CYP4F12: variants seen among roughly 807,000 people sequenced by gnomAD.
The protein encoded by CYP4F12 is cytochrome P450 4F12.
Under a neutral mutation model 56.5 loss-of-function variants are expected in CYP4F12, and 60 were observed. The observed-to-expected ratio is 1.06, with a 90% CI of 0.86 to 1.32. The LOEUF (loss-of-function observed/expected upper bound fraction) is 1.32. CYP4F12 is among the 40% of genes most tolerant of loss of function. The pLI is 0.00. For synonymous variants in CYP4F12, 263 were observed against 264.9 expected (o/e 0.99, Z 0.07); for missense variants, 711 against 683.5 (o/e 1.04, Z -0.45).
Position 15,696,913 on chromosome 19 carries a change from G to T in CYP4F12, c.1403G>T (p.Cys468Phe). ...GTCCCCACTCCCGCCTGCAGGAACTGCATCGGGCAGGCGTTCGCCATGGCG... is the reference window on the plus strand; with the variant it reads ...GTCCCCACTCCCGCCTGCAGGAACTTCATCGGGCAGGCGTTCGCCATGGCG... ...FIPFSAGPRN[C>F]IGQAFAMAEM... The change falls in exon 13 of 13, where the codon TGC becomes TTC. Residue 468 changes from cysteine (C) to phenylalanine (F), a missense_variant. Physicochemically the swap from Cys to Phe is radical, Grantham distance 205. Coordinates refer to ENST00000550308, the MANE Select transcript of CYP4F12 (RefSeq NM_023944.4). 1 of 1,612,218 alleles carries T rather than the reference G, an allele frequency of 6.2e-7. No homozygotes were observed. The highest frequency in any genetic ancestry group is 8.5e-7 in the Non-Finnish European group (1 of 1,179,094).
intron 9 of CYP4F12, among the ~76,000 whole-genome samples, chr19:15,685,796 T>C (rs1033670973): frequency 3.3e-5 from 5 of 152,238 alleles, no homozygotes; most frequent in Non-Finnish European, 5.9e-5. Context: ...CATATTTTTT[T>C]CAAACATCTT....
chr19:15,676,273 C>T (rs2525562), intron 2 of CYP4F12, among the ~76,000 whole-genome samples: 3,552 of 149,962 alleles, frequency 0.024, 15 homozygotes, highest in African/African-American at 0.083. Flanking sequence ...CCAAGGGAGA[C>T]GGCTCACTCA....
At chr19:15,689,313 A>T (rs996195894) in intron 9 of CYP4F12, among the ~76,000 whole-genome samples, 73 of 152,300 alleles carry the variant, frequency 4.8e-4, no homozygotes, top group African/African-American at 1.7e-3. Flanking sequence ...ATGAACAGAT[A>T]ATTCTCAAAA....
chr19:15,695,847 G>A (rs1239744979), intron 9 of CYP4F12, 89 bp from the exon 10 acceptor site: 1 of 1,498,040 alleles, frequency 6.7e-7, no homozygotes, highest in Non-Finnish European at 8.9e-7. Context: ...TTTTGTGATA[G>A]GGAGAAAAGG....
At position 15,682,462 on chromosome 19, in the gene CYP4F12, T is replaced by C. The variant is rs754559764; in HGVS notation, c.599T>C (p.Leu200Ser). 1 of 1,613,944 alleles carries C rather than the reference T, an allele frequency of 6.2e-7. No individual in the cohort carries two copies. The highest frequency in any genetic ancestry group is 8.5e-7 in the Non-Finnish European group (1 of 1,179,830). Residue 200 changes from leucine to serine, a missense_variant, in exon 6 of 13, where the codon TTG becomes TCG. By Grantham distance (145) the Leu-to-Ser change is moderately radical. Transcript: ENST00000550308. ...TTTGAGCACATCAGCCTCATGACCT[T>C]GGACAGTCTACAGAAATGCATCTTC... ...DMFEHISLMT[L>S]DSLQKCIFSF...
At chr19:15,695,420 G>A (rs2008075967) in intron 9 of CYP4F12, among the ~76,000 whole-genome samples, 1 of 151,006 alleles carries the variant, frequency 6.6e-6, no homozygotes, top group South Asian at 2.1e-4. Context: ...GAGTTAATGG[G>A]TGCAGCACAC....
intron 9 of CYP4F12, among the ~76,000 whole-genome samples, chr19:15,688,583 T>C (rs771701201): frequency 1.5e-4 from 23 of 152,168 alleles, no homozygotes; most frequent in Non-Finnish European, 4.4e-5. Flanking sequence ...ACCTTCATCA[T>C]TTTTCACACA....
At chr19:15,689,945 C>A (rs747675227) in intron 9 of CYP4F12, among the ~76,000 whole-genome samples, 13 of 152,130 alleles carry the variant, frequency 8.5e-5, no homozygotes, top group Non-Finnish European at 1.8e-4. Context: ...GCTTTGGAGA[C>A]TCGGAGAGCA....
In CYP4F12 at chr19:15,696,969, C is replaced by T. The variant is rs766881054; in HGVS notation, c.1459C>T (p.Leu487=). ...GAAAGTGGTCCTGGCGTTGATGCTG[C>T]TGCACTTCCGGTTCCTGCCAGACCA... ...EMKVVLALML[L]HFRFLPDHTE... The change falls in exon 13 of 13, where the codon CTG becomes TTG. Residue 487 remains leucine (L), a synonymous_variant. Transcript: ENST00000550308. 1 of 1,614,106 alleles carries T rather than the reference C, an allele frequency of 6.2e-7. No homozygotes were observed. Among genetic ancestry groups the T allele is most frequent in the Non-Finnish European group, 8.5e-7 (1 of 1,180,038 alleles).
rs1281265652 is a variant in CYP4F12 at position 15,679,265 on chromosome 19, G to A, written c.343+860G>A. 1.1e-4 allele frequency among the ~76,000 whole-genome samples: 16 copies of A among 152,344 alleles called. No homozygotes were observed. In the East Asian group the frequency reaches 2.9e-3, roughly 28 times the overall value. On this transcript the variant is annotated intron_variant, in intron 3 of 12. Transcript: ENST00000550308. ...CTCTAAGCAAATAAAGAGAGTCAAAGGAGTGTAAATTTCAGGGAGGGTGGT... is the reference window on the plus strand; with the variant it reads ...CTCTAAGCAAATAAAGAGAGTCAAAAGAGTGTAAATTTCAGGGAGGGTGGT...
intron 5 of CYP4F12, chr19:15,681,079 A>G (rs956951766): frequency 2.9e-5 from 5 of 171,518 alleles, no homozygotes; most frequent in Non-Finnish European, 5.0e-5. Flanking sequence ...TGTTGTTCAC[A>G]TGGCAGAGAC....
intron 6 of CYP4F12, 130 bp from the exon 7 acceptor site, chr19:15,683,363 A>T: frequency 1.1e-6 from 1 of 952,022 alleles, no homozygotes. Flanking sequence ...CCCACCATGT[A>T]TCTCTAGGAC....
At chr19:15,686,427 A>G (rs984534834) in intron 9 of CYP4F12, among the ~76,000 whole-genome samples, 1 of 152,044 alleles carries the variant, frequency 6.6e-6, no homozygotes, top group Non-Finnish European at 1.5e-5. Flanking sequence ...AGAGAGGGAG[A>G]AGAGGGAAAG....
chr19:15,686,209 C>G (rs979818491), intron 9 of CYP4F12, among the ~76,000 whole-genome samples: 1 of 152,018 alleles, frequency 6.6e-6, no homozygotes, highest in East Asian at 1.9e-4. Context: ...TACCAAGTAC[C>G]GAGGAGGCTG....
At position 15,683,682 on chromosome 19, in the gene CYP4F12, C is replaced by T; in HGVS notation, c.837C>T (p.Pro279=). 1.9e-6 allele frequency: 3 copies of T among 1,612,798 alleles called. No individual in the cohort carries two copies. The highest frequency in any genetic ancestry group is 2.5e-6 in the Non-Finnish European group (3 of 1,179,462). Residue 279 remains proline, a synonymous_variant, in exon 7 of 13, where the codon CCC becomes CCT. Transcript: ENST00000550308. Reference sequence around the variant, plus strand: ...TCCGGGAGCGGCGTCGCACCCTCCCCACTCAGGGTATTGATGATTTTTTCA... The same window carrying T: ...TCCGGGAGCGGCGTCGCACCCTCCCTACTCAGGGTATTGATGATTTTTTCA... ...AVIRERRRTL[P]TQGIDDFFKD...
chr19:15,694,395 G>C (rs2008024260), intron 9 of CYP4F12, among the ~76,000 whole-genome samples: 1 of 152,084 alleles, frequency 6.6e-6, no homozygotes, highest in African/African-American at 2.4e-5. Context: ...TCCTTGAAGA[G>C]GTCCTTCACG....
chr19:15,688,100 T>C (rs1045692806), intron 9 of CYP4F12, among the ~76,000 whole-genome samples: 6 of 152,226 alleles, frequency 3.9e-5, no homozygotes, highest in South Asian at 2.1e-4. Flanking sequence ...GAAAAGCTTA[T>C]GGCCTGGGGC....
intron 5 of CYP4F12, 24 bp downstream of exon 5, chr19:15,680,543 C>G (rs201942691): frequency 1.2e-6 from 2 of 1,613,958 alleles, no homozygotes; most frequent in Non-Finnish European, 1.7e-6. Context: ...AGTCTGGGTC[C>G]CAGATGGAGT....
Position 15,683,511 on chromosome 19 carries a change from T to G in CYP4F12, c.666T>G (p.Ile222Met). The G allele has an allele frequency of 6.2e-7, 1 of 1,605,632 alleles. No homozygotes were observed. Among genetic ancestry groups the G allele is most frequent in the South Asian group, 1.1e-5 (1 of 89,936 alleles). The change falls in exon 7 of 13, where the codon ATT (isoleucine) becomes ATG (methionine). Residue 222 changes from isoleucine to methionine, a missense_variant. Physicochemically the swap from Ile to Met is conservative, Grantham distance 10 (BLOSUM62 1). Transcript: ENST00000550308. The stretch of plus-strand genomic sequence containing the variant: ...TCTGCAGGAGGCCCAGTGAATATAT[T>G]GCCACCATCTTGGAGCTCAGTGCCC... Reference protein sequence around the residue: ...SHCQERPSEYIATILELSALV... With the variant: ...SHCQERPSEYMATILELSALV...
Sources: gnomAD v4.1 joint callset for allele counts (sites outside exome capture counted in the v4.1 genomes callset) on GRCh38, gnomAD v4.1.1 for gene constraint, MANE v1.5 for transcripts, NCBI Gene and HGNC (gene_info 2026-07-23, HGNC 2026-07-21) for gene names.